The following PIEZO2 variants were observed in gnomAD, a reference collection of about 807,000 sequenced individuals.
PIEZO2 encodes the protein piezo-type mechanosensitive ion channel component 2.
Under a neutral mutation model 337.3 loss-of-function variants are expected in PIEZO2, and 172 were observed. The ratio of observed to expected loss-of-function variants is 0.51; its 90% CI spans 0.45 to 0.58. The LOEUF (loss-of-function observed/expected upper bound fraction) is 0.58, where lower values mean the gene tolerates loss of function less well. PIEZO2 is among the 20% of genes least tolerant of loss of function. PIEZO2 has a pLI of 0.00. For missense variants in PIEZO2, 3,028 were observed against 3,391.3 expected, an observed-to-expected ratio of 0.89 and a Z score of 2.66; for synonymous variants, 1,251 against 1,228.5, an observed-to-expected ratio of 1.02 and a Z score of -0.38.
At chr18:11,059,277 A>G (rs1388153907) in intron 2 of PIEZO2, among the ~76,000 whole-genome samples, 4 of 152,224 alleles carry the variant, frequency 2.6e-5, no homozygotes, top group African/African-American at 7.2e-5. Context: ...GGAAAGGAAC[A>G]ACCAGTACCA....
At position 11,038,075 on chromosome 18, in the gene PIEZO2, G is replaced by A. The variant is rs1458613323; in HGVS notation, c.160+28052C>T. On this transcript the variant is annotated intron_variant, in intron 2 of 55. Transcript: ENST00000674853. This position sits in a 1 kb window ranked among gnomAD's most constrained non-coding sequence, Gnocchi z 4.1. The stretch of plus-strand genomic sequence containing the variant: ...TGAGATGTAAGATAAGAAGGAGGAA[G>A]TCACACTTGTTTTTCATTGGCTCAA... 1.3e-5 allele frequency among the ~76,000 whole-genome samples: 2 copies of A among 152,184 alleles called. No homozygotes were observed. The highest frequency in any genetic ancestry group is 1.3e-4 in the Admixed American group (2 of 15,276).
In PIEZO2 at chr18:10,773,561, G is replaced by T. The variant is rs748442453; in HGVS notation, c.2636C>A (p.Pro879Gln). The change falls in exon 20 of 56, where the codon CCG becomes CAG. Residue 879 changes from proline (P) to glutamine (Q), a missense_variant. This residue lies in a region of PIEZO2 where 1,925 missense variants were observed against 2,051.9 expected (regional missense o/e 0.94). Transcript: ENST00000674853. This position sits in a 1 kb window ranked among gnomAD's most constrained non-coding sequence, Gnocchi z 5.3. Reference protein sequence around the residue: ...MMHLTASLEKPEVRKLAEPGE... With the variant: ...MMHLTASLEKQEVRKLAEPGE... ...AGGCTCAGCCAACTTCCTCACCTCC[G>T]GCTTCTCCAGGCTGGCAGTCAGATG... 2 of 1,537,336 alleles carry T rather than the reference G, an allele frequency of 1.3e-6. No homozygotes were observed. The highest frequency in any genetic ancestry group is 2.4e-5 in the South Asian group (2 of 84,054).
chr18:10,946,523 C>T (rs914382649), intron 3 of PIEZO2, among the ~76,000 whole-genome samples: 3 of 152,142 alleles, frequency 2.0e-5, no homozygotes, highest in Non-Finnish European at 4.4e-5. Flanking sequence ...ATTACATCCC[C>T]TTTTGAAGGC....
At chr18:10,779,213 G>T (rs114538667) in intron 18 of PIEZO2, among the ~76,000 whole-genome samples, 1 of 152,114 alleles carries the variant, frequency 6.6e-6, no homozygotes, top group African/African-American at 2.4e-5. Flanking sequence ...TTTGTAATTT[G>T]GTTGTCTGCC....
intron 42 of PIEZO2, among the ~76,000 whole-genome samples, chr18:10,703,688 T>A (rs9789206): frequency 0.068 from 10,349 of 151,718 alleles, 587 homozygotes; most frequent in East Asian, 0.22. Context: ...CTTTTTTTTT[T>A]AAAGTCCCTT....
rs1324181834 is a variant in PIEZO2 at position 10,855,868 on chromosome 18, T to C, written c.704-302A>G. 1.3e-5 allele frequency among the ~76,000 whole-genome samples: 2 copies of C among 152,184 alleles called. No individual in the cohort carries two copies. Among genetic ancestry groups the C allele is most frequent in the Non-Finnish European group, 2.9e-5 (2 of 68,034 alleles). On this transcript the variant is annotated intron_variant, in intron 6 of 55. Coordinates refer to ENST00000674853, the MANE Select transcript of PIEZO2 (RefSeq NM_001378183.1). This position sits in a 1 kb window ranked among gnomAD's most constrained non-coding sequence, Gnocchi z 4.9. ...TTTTCATACCAGTAGCATCTGCATA[T>C]TTACTTGCCTGTTTCCATCTTTCTA...
intron 26 of PIEZO2, among the ~76,000 whole-genome samples, chr18:10,758,381 C>T (rs954796324): frequency 6.6e-6 from 1 of 152,138 alleles, no homozygotes; most frequent in East Asian, 1.9e-4. Context: ...ATTTTGTTTG[C>T]ACATCGGTGA....
Position 11,077,297 on chromosome 18 carries a change from G to C in PIEZO2, c.65-11075C>G, listed in dbSNP as rs543322126. ...CTTAGTGGCTTTGTCATCTATGGAA[G>C]TGAAGAGTTAGCATTTGTAGACTGG... On this transcript the variant is annotated intron_variant, in intron 1 of 55. Transcript: ENST00000674853. The surrounding 1 kb of genome is among the most constrained non-coding windows in gnomAD (Gnocchi z 4.8). Among the ~76,000 whole-genome samples the C allele has an allele frequency of 6.6e-6, 1 of 152,318 alleles. No homozygotes were observed. The highest frequency in any genetic ancestry group is 2.1e-4 in the South Asian group (1 of 4,826).
chr18:10,683,166 T>C (rs952022521), intron 49 of PIEZO2, among the ~76,000 whole-genome samples: 1 of 152,260 alleles, frequency 6.6e-6, no homozygotes, highest in African/African-American at 2.4e-5. Context: ...ATGTGATTTA[T>C]CTTCAGGAGG....
At chr18:11,046,185 C>G (rs887033473) in intron 2 of PIEZO2, among the ~76,000 whole-genome samples, 7 of 152,180 alleles carry the variant, frequency 4.6e-5, no homozygotes, top group Admixed American at 3.9e-4. Flanking sequence ...GCTGCATGTG[C>G]GTGGGCCTTC....
At chr18:10,741,727 C>T (rs567295107) in intron 32 of PIEZO2, among the ~76,000 whole-genome samples, 6 of 152,120 alleles carry the variant, frequency 3.9e-5, no homozygotes, top group African/African-American at 1.2e-4. Flanking sequence ...GAGCAGGCAA[C>T]GATTGAATGA....
At chr18:11,066,038 T>A (rs2038137066) in intron 2 of PIEZO2, 89 bp downstream of exon 2, 3 of 1,023,058 alleles carry the variant, frequency 2.9e-6, no homozygotes, top group Non-Finnish European at 4.3e-6. Context: ...ATAACATCTC[T>A]GCCATTAGAT....
rs1005579367 is a variant in PIEZO2, at chr18:10,705,692, G to C, written c.5643C>G (p.Ile1881Met). 12 of 1,536,674 alleles carry C rather than the reference G, an allele frequency of 7.8e-6. No individual in the cohort carries two copies. Among genetic ancestry groups the C allele is most frequent in the Admixed American group, 3.9e-5 (2 of 50,982 alleles). ...CCTCCTGCTCAGCCTCCACCTCCTCGATGGTCTCAGTGGTCCCCTGGCGTG... is the reference window on the plus strand; with the variant it reads ...CCTCCTGCTCAGCCTCCACCTCCTCCATGGTCTCAGTGGTCCCCTGGCGTG... Reference protein sequence around the residue: ...LYSRQGTTETIEEVEAEQEEE... With the variant: ...LYSRQGTTETMEEVEAEQEEE... The change falls in exon 41 of 56, where the codon ATC (isoleucine) becomes ATG (methionine). Residue 1881 changes from isoleucine (I) to methionine (M), a missense_variant. Transcript: ENST00000674853.
At chr18:10,675,166 T>C (rs1310398695) in intron 54 of PIEZO2, 43 bp downstream of exon 54, 7 of 1,346,142 alleles carry the variant, frequency 5.2e-6, no homozygotes, top group Non-Finnish European at 7.3e-6. Context: ...TGAATAAAAC[T>C]AGGATTGAAA....
intron 2 of PIEZO2, among the ~76,000 whole-genome samples, chr18:11,024,070 T>C (rs894998125): frequency 5.3e-5 from 8 of 151,928 alleles, no homozygotes; most frequent in African/African-American, 1.7e-4. Flanking sequence ...GCTCCGGCCT[T>C]GGCCAGCCCA....
intron 4 of PIEZO2, among the ~76,000 whole-genome samples, chr18:10,896,434 C>T (rs2042903561): frequency 6.6e-6 from 1 of 152,210 alleles, no homozygotes; most frequent in Admixed American, 6.5e-5. Context: ...ACTGAAATTA[C>T]ACTCAGTCCA....
chr18:10,886,341 T>TACACAC (rs1430640136), intron 4 of PIEZO2, among the ~76,000 whole-genome samples: 2 of 12,678 alleles, frequency 1.6e-4, no homozygotes, highest in African/African-American at 1.0e-3. Flanking sequence ...TATATATATA[T>TACACAC]ATACACACAC....
chr18:11,140,366 C>T lies in PIEZO2; in HGVS notation c.64+8159G>A, dbSNP rs112185362. Among the ~76,000 whole-genome samples the T allele has an allele frequency of 1.2e-3, 186 of 152,264 alleles. 1 individual carries two copies. The East Asian group carries it at 0.022, about 18-fold the overall frequency. On this transcript the variant is annotated intron_variant, in intron 1 of 55. Transcript: ENST00000674853. ...TAGGCCACCTTTTGGTGCCTGTTTC[C>T]GCCACCAACCAAACTGTCAGAGCCC... is the stretch of plus-strand genomic sequence containing the variant.
rs368881509 is a variant in PIEZO2, at chr18:10,748,741, T to C, written c.4265-111A>G. 6.5e-4 allele frequency: 625 copies of C among 956,150 alleles called. 5 individuals are homozygous for C. Among genetic ancestry groups the C allele is most frequent in the South Asian group, 1.9e-3 (105 of 53,890 alleles). The allele number at this position is 956,150 out of a possible 1,614,324, so 59.2% of individuals were successfully genotyped here. ...GGAAATATAGGCATAAAAGCAGCAT[T>C]CTGATGCTCTGACTTACTTATGAGT... On this transcript the variant is annotated intron_variant, in intron 29 of 55. Coordinates refer to ENST00000674853, the MANE Select transcript of PIEZO2 (RefSeq NM_001378183.1). The surrounding 1 kb of genome is among the most constrained non-coding windows in gnomAD (Gnocchi z 5.1).
Sources: gnomAD v4.1 joint callset for allele counts (sites outside exome capture counted in the v4.1 genomes callset) on GRCh38, gnomAD v4.1.1 for gene constraint, gnomAD v4.1.1 regional missense constraint, Gnocchi (gnomAD v3.1) non-coding constraint, MANE v1.5 for transcripts, NCBI Gene and HGNC (gene_info 2026-07-23, HGNC 2026-07-21) for gene names.